Variants in BRD7 observed in about 807,000 individuals in gnomAD.
The protein encoded by BRD7 is bromodomain-containing protein 7.
Under a neutral mutation model 82.1 loss-of-function variants are expected in BRD7, and 15 were observed. The ratio of observed to expected loss-of-function variants is 0.18; its 90% CI spans 0.12 to 0.28. BRD7 has a LOEUF of 0.28. BRD7 is among the 10% of genes least tolerant of loss of function. BRD7 has a pLI of 1.00. For missense variants in BRD7, 638 were observed against 779.9 expected (o/e 0.82, Z 2.17); for synonymous variants, 232 against 266.9 (o/e 0.87, Z 1.27).
rs564380475 is a variant in BRD7, at chr16:50,356,515, C to T, written c.259-1593G>A. On this transcript the variant is annotated intron_variant, in intron 2 of 16. Coordinates refer to ENST00000394688, the MANE Select transcript of BRD7 (RefSeq NM_013263.5). The stretch of plus-strand genomic sequence containing the variant: ...AGAAACAATGTCTGAAGAAAAGTTG[C>T]AGAACAATTACTGTTACAAGCTATG... 2.6e-5 allele frequency among the ~76,000 whole-genome samples: 4 copies of T among 152,186 alleles called. No individual in the cohort carries two copies. The South Asian group carries it at 8.3e-4, about 32-fold the overall frequency.
rs1373751121 is a variant in BRD7, at chr16:50,318,533, G to C, written c.*678C>G. 2 of 152,130 alleles carry C rather than the reference G, an allele frequency of 1.3e-5. No individual in the cohort carries two copies. Among genetic ancestry groups the C allele is most frequent in the African/African-American group, 2.4e-5 (1 of 41,378 alleles). The allele number at this position is 152,130 out of a possible 1,614,324, so 9.4% of individuals were successfully genotyped here. A position where few individuals can be genotyped will look rare whatever the true frequency, so the allele number is the denominator to read the frequency against. On this transcript the variant is annotated 3_prime_UTR_variant, in exon 17 of 17. Transcript: ENST00000394688. ...CATGAATCTTGTGGTCTCCTACTTAGAGTTCAACTCCTTGGGTACTTGACC... is the reference window on the plus strand; with the variant it reads ...CATGAATCTTGTGGTCTCCTACTTACAGTTCAACTCCTTGGGTACTTGACC...
intron 2 of BRD7, among the ~76,000 whole-genome samples, chr16:50,360,317 G>A (rs965398251): frequency 6.6e-6 from 1 of 152,204 alleles, no homozygotes; most frequent in Non-Finnish European, 1.5e-5. Flanking sequence ...AATAAGTACT[G>A]TCCTTCAGGT....
intron 8 of BRD7, among the ~76,000 whole-genome samples, chr16:50,332,896 T>C (rs897333537): frequency 2.0e-5 from 3 of 151,994 alleles, no homozygotes; most frequent in Non-Finnish European, 4.4e-5. Context: ...AAAACAAATA[T>C]TGCCATGTTC....
chr16:50,342,495 G>A (rs2038109324), intron 5 of BRD7, among the ~76,000 whole-genome samples: 1 of 110,972 alleles, frequency 9.0e-6, no homozygotes, highest in Non-Finnish European at 1.7e-5. Flanking sequence ...GTCTCACTCT[G>A]TCGCAAGCTC....
intron 2 of BRD7, among the ~76,000 whole-genome samples, chr16:50,362,401 C>A (rs1404466365): frequency 1.3e-5 from 2 of 152,166 alleles, no homozygotes; most frequent in Non-Finnish European, 2.9e-5. Flanking sequence ...TCAATTTTCT[C>A]ATTAATAAAA....
At chr16:50,358,796 A>G (rs979111408) in intron 2 of BRD7, among the ~76,000 whole-genome samples, 9 of 152,244 alleles carry the variant, frequency 5.9e-5, no homozygotes, top group African/African-American at 1.9e-4. Flanking sequence ...GTCCAAAAGA[A>G]AAAAAGAATA....
chr16:50,350,267 A>G, intron 4 of BRD7, 100 bp from the exon 5 acceptor site: 2 of 812,604 alleles, frequency 2.5e-6, no homozygotes, highest in Non-Finnish European at 3.4e-6. Flanking sequence ...AGATGCAGAA[A>G]GAATTTGTAA....
intron 2 of BRD7, among the ~76,000 whole-genome samples, chr16:50,362,593 T>C (rs1041998119): frequency 6.6e-6 from 1 of 152,194 alleles, no homozygotes; most frequent in Non-Finnish European, 1.5e-5. Flanking sequence ...GGTATATCCA[T>C]ACAATGGAGT....
At chr16:50,340,399 AAT>A (rs2037997341) in intron 5 of BRD7, among the ~76,000 whole-genome samples, 1 of 152,242 alleles carries the variant, frequency 6.6e-6, no homozygotes, top group Non-Finnish European at 1.5e-5. Context: ...ACATAAAAAA[AAT>A]GTGAAGAAAA....
intron 4 of BRD7, among the ~76,000 whole-genome samples, chr16:50,350,914 G>C (rs910995178): frequency 1.3e-5 from 2 of 152,150 alleles, no homozygotes; most frequent in Non-Finnish European, 2.9e-5. Flanking sequence ...GAAGGGTAGG[G>C]TCCAGGCAGT....
In BRD7 at chr16:50,350,157, T is replaced by C. The variant is rs73581682; in HGVS notation, c.457A>G (p.Ser153Gly). Residue 153 changes from serine to glycine, a missense_variant, in exon 5 of 17, where the codon AGT becomes GGT. Transcript: ENST00000394688. ...GTCACAGGAAATGAAAAGAAAGCAC[T>C]TGGATCTTTTCTGTAAAGATATGCA... The part of the protein sequence containing the change: ...LMRQLQRKDP[S>G]AFFSFPVTDF... The C allele has an allele frequency of 3.1e-4, 489 of 1,582,276 alleles. 1 individual carries two copies. The African/African-American group carries it at 6.0e-3, about 19-fold the overall frequency.
Position 50,368,620 on chromosome 16 carries a change from G to A in BRD7, c.49+106C>T, listed in dbSNP as rs1048008286. The A allele has an allele frequency of 1.4e-5, 17 of 1,244,370 alleles. No individual in the cohort carries two copies. In the Admixed American group the frequency reaches 4.7e-4, roughly 35 times the overall value. The allele number at this position is 1,244,370 out of a possible 1,614,324, so 77.1% of individuals were successfully genotyped here. A position where few individuals can be genotyped will look rare whatever the true frequency, so the allele number is the denominator to read the frequency against. On this transcript the variant is annotated intron_variant, in intron 1 of 16. Coordinates refer to ENST00000394688, the MANE Select transcript of BRD7 (RefSeq NM_013263.5). Reference sequence around the variant, plus strand: ...GCGCCCCCTTCGCCGGCCTGGGCCTGCCGTGGGAAGGAAGGGCCCCGGGCC... The same window carrying A: ...GCGCCCCCTTCGCCGGCCTGGGCCTACCGTGGGAAGGAAGGGCCCCGGGCC...
chr16:50,325,648 T>C (rs1334542678), intron 11 of BRD7, 100 bp downstream of exon 11: 2 of 1,165,686 alleles, frequency 1.7e-6, no homozygotes, highest in Non-Finnish European at 2.3e-6. Context: ...GAGCACATTT[T>C]TTTTTACTAC....
At chr16:50,354,299 C>G (rs959933296) in intron 4 of BRD7, 126 bp downstream of exon 4, 1 of 788,906 alleles carries the variant, frequency 1.3e-6, no homozygotes. Context: ...ACTTCTGCTG[C>G]CAGGCAAAAT....
chr16:50,318,212 T>A lies in BRD7; in HGVS notation c.*999A>T, dbSNP rs1275187014. On this transcript the variant is annotated 3_prime_UTR_variant, in exon 17 of 17. Coordinates refer to ENST00000394688, the MANE Select transcript of BRD7 (RefSeq NM_013263.5). Reference sequence around the variant, plus strand: ...AAGTAGACTCAAACAACTTGAAAATTTGACTCTTTTAGCATAAGATTTTAA... The same window carrying A: ...AAGTAGACTCAAACAACTTGAAAATATGACTCTTTTAGCATAAGATTTTAA... 6.6e-6 allele frequency: 1 copy of A among 152,244 alleles called. No homozygotes were observed. Among genetic ancestry groups the A allele is most frequent in the African/African-American group, 2.4e-5 (1 of 41,444 alleles). 9.4% of individuals were successfully genotyped at this position (152,244 alleles called of 1,614,324 possible).
At chr16:50,320,559 A>G in intron 14 of BRD7, 104 bp downstream of exon 14, 1 of 1,385,078 alleles carries the variant, frequency 7.2e-7, no homozygotes, top group Non-Finnish European at 1.0e-6. Context: ...GTAAGCCAAG[A>G]TCTTCCTGTG....
intron 4 of BRD7, among the ~76,000 whole-genome samples, chr16:50,353,889 C>T (rs1358484607): frequency 6.6e-6 from 1 of 152,196 alleles, no homozygotes; most frequent in East Asian, 1.9e-4. Flanking sequence ...TGAGCCACCA[C>T]ACCCGGCCCA....
rs916480292 is a variant in BRD7 at position 50,325,888 on chromosome 16, T to G, written c.1196-5A>C. The G allele has an allele frequency of 1.3e-6, 2 of 1,582,238 alleles. No homozygotes were observed. Among genetic ancestry groups the G allele is most frequent in the African/African-American group, 2.7e-5 (2 of 72,988 alleles). ...GCCCATAATTCAAATATAACACTGT[T>G]GAAAAAATCAAATACTGTAACACTA... On this transcript the variant is annotated splice_region_variant and splice_polypyrimidine_tract_variant and intron_variant, in intron 10 of 16. Transcript: ENST00000394688.
intron 6 of BRD7, among the ~76,000 whole-genome samples, chr16:50,338,092 A>C (rs1049340241): frequency 6.6e-6 from 1 of 152,182 alleles, no homozygotes; most frequent in Admixed American, 6.5e-5. Context: ...CAATGTACAT[A>C]TTTTGGAGTG....
Sources: allele counts gnomAD v4.1 joint callset (sites outside exome capture counted in the v4.1 genomes callset), GRCh38; gene constraint gnomAD v4.1.1; transcripts MANE v1.5; gene names NCBI Gene and HGNC (gene_info 2026-07-23, HGNC 2026-07-21).